ZNF618: variants seen among roughly 807,000 people sequenced by gnomAD.
ZNF618 encodes zinc finger protein 618.
A neutral mutation model predicts 103.0 loss-of-function variants in ZNF618; 34 were observed. The observed-to-expected ratio is 0.33, with a 90% CI of 0.25 to 0.44. The LOEUF (loss-of-function observed/expected upper bound fraction) is 0.44, where lower values mean the gene tolerates loss of function less well. Ranked by LOEUF, ZNF618 falls within the 20% of genes least tolerant of loss-of-function variation. The probability of loss-of-function intolerance (pLI) is 1.00; values close to 1 mark genes in which losing one functional copy is unlikely to be tolerated. For missense variants in ZNF618, 1,059 were observed against 1,295.4 expected (o/e 0.82, Z 2.80); for synonymous variants, 551 against 542.2 (o/e 1.02, Z -0.23).
chr9:114,030,930 A>G (rs187490365), intron 11 of ZNF618: 2 of 152,324 alleles, frequency 1.3e-5, no homozygotes, highest in Admixed American at 1.3e-4. Context: ...ATAGATGAGT[A>G]CCAGTCACCC....
In ZNF618 at chr9:114,032,707, A is replaced by G. The variant is rs1844199134; in HGVS notation, c.1147A>G (p.Ser383Gly). 6.2e-7 allele frequency: 1 copy of G among 1,614,064 alleles called. No individual in the cohort carries two copies. The part of the protein sequence containing the change: ...KAQNHFEETN[S>G]SSQNSSEPYT... Reference sequence around the variant, plus strand: ...ACAAAACCACTTTGAAGAGACGAACAGCAGTTCGCAGAACTCCAGCGGTGA... The same window carrying G: ...ACAAAACCACTTTGAAGAGACGAACGGCAGTTCGCAGAACTCCAGCGGTGA... Residue 383 changes from serine (S) to glycine (G), a missense_variant, in exon 12 of 15, where the codon AGC (serine) becomes GGC (glycine). Around this residue, in one of 6 missense-constraint regions of ZNF618, gnomAD observed 434 missense variants for 476.0 expected, o/e 0.91. Coordinates refer to ENST00000374126, the MANE Select transcript of ZNF618 (RefSeq NM_001318042.2).
At chr9:114,033,988 C>T (rs1335877465) in intron 12 of ZNF618, among the ~76,000 whole-genome samples, 1 of 152,088 alleles carries the variant, frequency 6.6e-6, no homozygotes, top group Admixed American at 6.5e-5. Flanking sequence ...ACATATGAAC[C>T]CCAGCTCCAC....
At chr9:113,996,327 C>G (rs1466140506) in intron 3 of ZNF618, among the ~76,000 whole-genome samples, 6 of 152,224 alleles carry the variant, frequency 3.9e-5, no homozygotes, top group Non-Finnish European at 8.8e-5. Flanking sequence ...AAGGAACCAG[C>G]CTTCTGTCCC....
intron 2 of ZNF618, among the ~76,000 whole-genome samples, chr9:113,985,915 G>A (rs1170239426): frequency 1.3e-5 from 2 of 152,218 alleles, no homozygotes. Context: ...GCACATAGGA[G>A]GCTCTGTTTA....
chr9:114,011,007 A>G lies in ZNF618; in HGVS notation c.754+2453A>G, dbSNP rs75054474. Among the ~76,000 whole-genome samples, 7 of 152,316 alleles carry G rather than the reference A, an allele frequency of 4.6e-5. No individual in the cohort carries two copies. In the East Asian group the frequency reaches 1.3e-3, roughly 29 times the overall value. On this transcript the variant is annotated intron_variant, in intron 9 of 14. Coordinates refer to ENST00000374126, the MANE Select transcript of ZNF618 (RefSeq NM_001318042.2). ...TTTCCAGTGCTGTTGGAGCACACACACACAAAATGTCTCACCAAGCACCTG... is the reference window on the plus strand; with the variant it reads ...TTTCCAGTGCTGTTGGAGCACACACGCACAAAATGTCTCACCAAGCACCTG...
At chr9:113,952,089 T>C (rs1272928624) in intron 1 of ZNF618, among the ~76,000 whole-genome samples, 1 of 152,228 alleles carries the variant, frequency 6.6e-6, no homozygotes, top group African/African-American at 2.4e-5. Context: ...GTTTTTTCTT[T>C]TTTTAAGCCA....
At chr9:113,878,203 A>T (rs1396124851) in intron 1 of ZNF618, among the ~76,000 whole-genome samples, 1 of 151,286 alleles carries the variant, frequency 6.6e-6, no homozygotes, top group African/African-American at 2.4e-5. Flanking sequence ...AAAAATGCAC[A>T]AATTTTACTG....
chr9:113,931,459 G>T (rs565789664), intron 1 of ZNF618, among the ~76,000 whole-genome samples: 1 of 152,284 alleles, frequency 6.6e-6, no homozygotes, highest in South Asian at 2.1e-4. Context: ...GATACCAGGG[G>T]CGTGTTGAGA....
chr9:113,923,121 A>G (rs1832790987), intron 1 of ZNF618, among the ~76,000 whole-genome samples: 4 of 152,164 alleles, frequency 2.6e-5, no homozygotes, highest in Admixed American at 2.6e-4. Flanking sequence ...GGGATATGTG[A>G]AAGCAATTGA....
intron 1 of ZNF618, among the ~76,000 whole-genome samples, chr9:113,925,908 G>A (rs1279549478): frequency 2.0e-5 from 3 of 151,996 alleles, no homozygotes; most frequent in African/African-American, 7.2e-5. Flanking sequence ...TATCTGTTAG[G>A]TAAGAATGAG....
chr9:113,911,130 G>A (rs557245877), intron 1 of ZNF618, among the ~76,000 whole-genome samples: 2 of 152,190 alleles, frequency 1.3e-5, no homozygotes, highest in South Asian at 2.1e-4. Flanking sequence ...CACCGCGCCC[G>A]GCCTGAAACT....
chr9:113,901,975 T>C (rs1830596472), intron 1 of ZNF618, among the ~76,000 whole-genome samples: 1 of 152,094 alleles, frequency 6.6e-6, no homozygotes, highest in African/African-American at 2.4e-5. Flanking sequence ...TTTGGGCCTG[T>C]TTTTGCATCT....
chr9:114,028,267 C>T (rs1353521924), intron 10 of ZNF618: 1 of 168,890 alleles, frequency 5.9e-6, no homozygotes, highest in African/African-American at 2.4e-5. Flanking sequence ...ACCACAGAGC[C>T]CCTTGCCCTA....
At position 114,048,728 on chromosome 9, in the gene ZNF618, G is replaced by A; in HGVS notation, c.1426G>A (p.Val476Ile). Residue 476 changes from valine to isoleucine, a missense_variant, in exon 15 of 15, where the codon GTC becomes ATC. Physicochemically the swap from Val to Ile is conservative, Grantham distance 29 (BLOSUM62 3). Transcript: ENST00000374126. Reference protein sequence around the residue: ...RQNIAERLLRVMCADLGALSV... With the variant: ...RQNIAERLLRIMCADLGALSV... ...GAACATCGCAGAGCGGCTGTTGAGGGTCATGTGTGCCGACCTGGGTGCACT... is the reference window on the plus strand; with the variant it reads ...GAACATCGCAGAGCGGCTGTTGAGGATCATGTGTGCCGACCTGGGTGCACT... The A allele has an allele frequency of 1.2e-6, 2 of 1,614,066 alleles. No homozygotes were observed. Among genetic ancestry groups the A allele is most frequent in the Non-Finnish European group, 1.7e-6 (2 of 1,179,902 alleles).
chr9:113,904,808 GTTC>G (rs539092987), intron 1 of ZNF618, among the ~76,000 whole-genome samples: 219 of 152,294 alleles, frequency 1.4e-3, no homozygotes, highest in African/African-American at 4.6e-3. Flanking sequence ...ATTGGGCAGA[GTTC>G]TTCTCACGTT....
intron 7 of ZNF618, among the ~76,000 whole-genome samples, chr9:114,007,906 G>A (rs2025391): frequency 0.3 from 46,119 of 152,084 alleles, 7,251 homozygotes; most frequent in African/African-American, 0.38. Context: ...GGGGTTCCCC[G>A]TCTAGCCCCA....
chr9:113,946,603 A>G (rs1007765047), intron 1 of ZNF618, among the ~76,000 whole-genome samples: 1 of 152,102 alleles, frequency 6.6e-6, no homozygotes, highest in Admixed American at 6.5e-5. Flanking sequence ...GCGTGTAATT[A>G]CCAGTGCGAG....
At chr9:113,985,185 G>A (rs1246468176) in intron 2 of ZNF618, among the ~76,000 whole-genome samples, 1 of 152,182 alleles carries the variant, frequency 6.6e-6, no homozygotes, top group Non-Finnish European at 1.5e-5. Flanking sequence ...ACTGAGGCTT[G>A]GAGGAGTCAA....
chr9:113,890,586 C>T lies in ZNF618; in HGVS notation c.33+14173C>T, dbSNP rs148247186. On this transcript the variant is annotated intron_variant, in intron 1 of 14. Transcript: ENST00000374126. Reference sequence around the variant, plus strand: ...CTCTGTGAGAAACATCTTTTTCGTACAGCTTCTCACTTGTGTGATCATCTC... The same window carrying T: ...CTCTGTGAGAAACATCTTTTTCGTATAGCTTCTCACTTGTGTGATCATCTC... Among the ~76,000 whole-genome samples, 12 of 152,308 alleles carry T rather than the reference C, an allele frequency of 7.9e-5. No homozygotes were observed. The East Asian group carries it at 1.9e-3, about 24-fold the overall frequency.
Sources: gnomAD v4.1 joint callset for allele counts (sites outside exome capture counted in the v4.1 genomes callset) on GRCh38, gnomAD v4.1.1 for gene constraint, gnomAD v4.1.1 regional missense constraint, MANE v1.5 for transcripts, NCBI Gene and HGNC (gene_info 2026-07-23, HGNC 2026-07-21) for gene names.